The following ELMO1 variants were observed in gnomAD, a reference collection of about 807,000 sequenced individuals.
The protein encoded by ELMO1 is engulfment and cell motility protein 1.
A neutral mutation model predicts 98.9 loss-of-function variants in ELMO1; 26 were observed. The ratio of observed to expected loss-of-function variants is 0.26; its 90% CI spans 0.19 to 0.36. The LOEUF (loss-of-function observed/expected upper bound fraction) is 0.36. ELMO1 is among the 10% of genes least tolerant of loss of function. The pLI, the probability that ELMO1 is intolerant of heterozygous loss-of-function variation, is 1.00. For synonymous variants in ELMO1, 346 were observed against 346.0 expected, an observed-to-expected ratio of 1.00 and a Z score of 0.00; for missense variants, 627 against 935.2, an observed-to-expected ratio of 0.67 and a Z score of 4.30.
At chr7:37,329,604 G>T (rs984758170) in intron 2 of ELMO1, among the ~76,000 whole-genome samples, 1 of 152,126 alleles carries the variant, frequency 6.6e-6, no homozygotes, top group African/African-American at 2.4e-5. Flanking sequence ...TATGAAAGGA[G>T]ATATGCTGAC....
chr7:36,867,893 A>T (rs1803156263), intron 20 of ELMO1, among the ~76,000 whole-genome samples: 1 of 152,104 alleles, frequency 6.6e-6, no homozygotes, highest in South Asian at 2.1e-4. Context: ...GCTATTCTTT[A>T]AATTTTTTAA....
intron 2 of ELMO1, among the ~76,000 whole-genome samples, chr7:37,332,469 A>G (rs931311832): frequency 1.6e-4 from 25 of 152,236 alleles, no homozygotes; most frequent in African/African-American, 5.8e-4. Flanking sequence ...GGATGTTACA[A>G]GTTCTACACA....
intron 15 of ELMO1, among the ~76,000 whole-genome samples, chr7:37,075,636 T>G (rs888136201): frequency 6.6e-6 from 1 of 152,188 alleles, no homozygotes; most frequent in Non-Finnish European, 1.5e-5. Context: ...GTCTTGTGGC[T>G]CCTTCTTATA....
At chr7:37,241,409 C>T (rs1192882603) in intron 7 of ELMO1, among the ~76,000 whole-genome samples, 1 of 151,998 alleles carries the variant, frequency 6.6e-6, no homozygotes, top group African/African-American at 2.4e-5. Flanking sequence ...TATAGTACAT[C>T]TCTTATAAAC....
At chr7:37,086,930 A>G (rs1783821769) in intron 15 of ELMO1, among the ~76,000 whole-genome samples, 1 of 152,140 alleles carries the variant, frequency 6.6e-6, no homozygotes, top group Non-Finnish European at 1.5e-5. Flanking sequence ...ATGTAGAGGA[A>G]CTTGCAACCT....
chr7:37,201,047 G>A (rs533172456), intron 13 of ELMO1, among the ~76,000 whole-genome samples: 2 of 152,096 alleles, frequency 1.3e-5, no homozygotes, highest in South Asian at 2.1e-4. Context: ...CAAGAGGCTC[G>A]AATGCTCCCT....
intron 4 of ELMO1, among the ~76,000 whole-genome samples, chr7:37,299,841 CTG>C (rs1410608704): frequency 4.7e-5 from 1 of 21,134 alleles, no homozygotes; most frequent in Non-Finnish European, 1.9e-4. Flanking sequence ...GGCATTGAAT[CTG>C]TAAATTACCT....
intron 13 of ELMO1, among the ~76,000 whole-genome samples, chr7:37,168,364 T>C (rs1022445122): frequency 4.6e-5 from 7 of 152,252 alleles, no homozygotes; most frequent in African/African-American, 1.7e-4. Flanking sequence ...TCCAGCTTTG[T>C]TCCATTGCTG....
intron 13 of ELMO1, among the ~76,000 whole-genome samples, chr7:37,170,549 C>G (rs1234071613): frequency 6.8e-6 from 1 of 146,724 alleles, no homozygotes; most frequent in African/African-American, 2.5e-5. Context: ...AGTGAACTAA[C>G]TTACTCTTTT....
chr7:36,985,108 C>G (rs899296192), intron 16 of ELMO1: 15 of 985,182 alleles, frequency 1.5e-5, no homozygotes, highest in Non-Finnish European at 1.7e-5. Flanking sequence ...TTCTACCCAA[C>G]GAAATTGAAA....
chr7:36,975,943 T>C (rs1790502662), intron 16 of ELMO1, among the ~76,000 whole-genome samples: 1 of 151,792 alleles, frequency 6.6e-6, no homozygotes, highest in African/African-American at 2.4e-5. Context: ...GACTCAAAAA[T>C]ACACGAATAA....
Position 37,133,213 on chromosome 7 carries a change from C to G in ELMO1, c.1108G>C (p.Asp370His). 1 of 1,610,976 alleles carries G rather than the reference C, an allele frequency of 6.2e-7. No homozygotes were observed. The highest frequency in any genetic ancestry group is 8.5e-7 in the Non-Finnish European group (1 of 1,178,624). ...ATCCCAGGTGGAGTCTGCGTGAAGT[C>G]CATGGCAGGGTTGACATGATTCTGT... is the stretch of plus-strand genomic sequence containing the variant. ...GFINHVNPAM[D>H]FTQTPPGMLA... Residue 370 changes from aspartate to histidine, a missense_variant, in exon 14 of 22, where the codon GAC becomes CAC. Transcript: ENST00000310758.
intron 16 of ELMO1, among the ~76,000 whole-genome samples, chr7:36,935,205 A>AG (rs999707339): frequency 3.9e-5 from 6 of 152,124 alleles, no homozygotes; most frequent in Admixed American, 2.0e-4. Context: ...TGGTTTTATA[A>AG]GGGGAAACCC....
At chr7:37,264,609 C>T (rs1057136822) in intron 5 of ELMO1, among the ~76,000 whole-genome samples, 1 of 152,174 alleles carries the variant, frequency 6.6e-6, no homozygotes, top group Non-Finnish European at 1.5e-5. Flanking sequence ...ATGTAGGTCT[C>T]TGTATCAGAC....
chr7:37,222,522 C>A, intron 10 of ELMO1, 93 bp downstream of exon 10: 3 of 1,217,518 alleles, frequency 2.5e-6, no homozygotes, highest in East Asian at 2.3e-5. Context: ...AGCAGAGAGG[C>A]CCAATGAGTC....
chr7:37,205,098 A>G (rs1344827822), intron 13 of ELMO1, among the ~76,000 whole-genome samples: 1 of 152,162 alleles, frequency 6.6e-6, no homozygotes. Flanking sequence ...TCTCATTACC[A>G]TTTAAGAGCA....
chr7:37,234,568 G>A lies in ELMO1; in HGVS notation c.450-1374C>T, dbSNP rs369853683. On this transcript the variant is annotated intron_variant, in intron 7 of 21. Transcript: ENST00000310758. ...GGGATGCAACCAGCTAAACGAAAAC[G>A]GCTAAGTAGGTAGTTTGTGGAGTCA... Among the ~76,000 whole-genome samples, 12 of 152,294 alleles carry A rather than the reference G, an allele frequency of 7.9e-5. No individual in the cohort carries two copies. In the East Asian group the frequency reaches 1.5e-3, roughly 20 times the overall value.
intron 1 of ELMO1, among the ~76,000 whole-genome samples, chr7:37,377,604 T>C (rs774731023): frequency 6.6e-6 from 1 of 152,162 alleles, no homozygotes; most frequent in Non-Finnish European, 1.5e-5. Flanking sequence ...AGGAGCCCTT[T>C]TCTCCTGGCA....
chr7:37,052,411 A>G (rs1230579769), intron 15 of ELMO1, among the ~76,000 whole-genome samples: 1 of 152,228 alleles, frequency 6.6e-6, no homozygotes, highest in Non-Finnish European at 1.5e-5. Flanking sequence ...AAAAACATTT[A>G]AAAATTCCAA....
Sources: gnomAD v4.1 joint callset for allele counts (sites outside exome capture counted in the v4.1 genomes callset) on GRCh38, gnomAD v4.1.1 for gene constraint, MANE v1.5 for transcripts, NCBI Gene and HGNC (gene_info 2026-07-23, HGNC 2026-07-21) for gene names.